Variants in EPS8L2 observed in about 807,000 individuals in gnomAD.
EPS8L2 encodes the protein EPS8 signaling adaptor L2.
In EPS8L2, 81 loss-of-function variants were observed where a neutral mutation model predicts 99.4. The observed-to-expected ratio is 0.82, with a 90% confidence interval of 0.68 to 0.98. The LOEUF (loss-of-function observed/expected upper bound fraction) is 0.98, where lower values mean the gene tolerates loss of function less well. Among genes scored for constraint, EPS8L2 ranks in the 50% least tolerant of loss-of-function variants. The pLI is 0.00. For missense variants in EPS8L2, 1,155 were observed against 968.8 expected (o/e 1.19, Z -2.55); for synonymous variants, 509 against 407.3 (o/e 1.25, Z -3.01).
intron 1 of EPS8L2, among the ~76,000 whole-genome samples, chr11:707,021 G>C (rs1328240777): frequency 6.6e-6 from 1 of 151,948 alleles, no homozygotes; most frequent in Non-Finnish European, 1.5e-5. Flanking sequence ...GGGGAGGCAG[G>C]GCCGGGCATG....
intron 17 of EPS8L2, 106 bp from the exon 18 acceptor site, chr11:725,991 TC>T: frequency 7.8e-7 from 1 of 1,275,732 alleles, no homozygotes; most frequent in Non-Finnish European, 1.1e-6. Flanking sequence ...AAAGGGCTGG[TC>T]CGCAGGCCGG....
At chr11:709,730 C>A in intron 3 of EPS8L2, 122 bp downstream of exon 3, 1 of 1,154,746 alleles carries the variant, frequency 8.7e-7, no homozygotes, top group Non-Finnish European at 1.2e-6. Flanking sequence ...TCTCCGGGTG[C>A]CCAGGGAGGC....
At chr11:720,312 C>A in intron 5 of EPS8L2, 89 bp downstream of exon 5, 1 of 1,396,480 alleles carries the variant, frequency 7.2e-7, no homozygotes, top group Non-Finnish European at 9.8e-7. Flanking sequence ...GGCCGGTCCT[C>A]TCTGCAGGGC....
chr11:707,288 C>T (rs1158188798), intron 1 of EPS8L2, among the ~76,000 whole-genome samples: 3 of 152,210 alleles, frequency 2.0e-5, no homozygotes, highest in Non-Finnish European at 2.9e-5. Flanking sequence ...CAAGCCATAG[C>T]TTCCAAACAA....
intron 5 of EPS8L2, 113 bp downstream of exon 5, chr11:720,336 T>C: frequency 2.5e-6 from 3 of 1,214,020 alleles, no homozygotes; most frequent in Non-Finnish European, 3.4e-6. Context: ...CCATGCCCTA[T>C]CATTCTGGTC....
Position 724,196 on chromosome 11 carries a change from A to G in EPS8L2, c.1455-528A>G, listed in dbSNP as rs1299698501. Among the ~76,000 whole-genome samples the G allele has an allele frequency of 6.6e-6, 1 of 152,092 alleles. No individual in the cohort carries two copies. The highest frequency in any genetic ancestry group is 2.4e-5 in the African/African-American group (1 of 41,418). On this transcript the variant is annotated intron_variant, in intron 15 of 20. Transcript: ENST00000318562. The surrounding 1 kb of genome is among the most constrained non-coding windows in gnomAD (Gnocchi z 5.5). Reference sequence around the variant, plus strand: ...GCCAGGTGACAGCCACAGGCCTGCTACATGCCAAAGCCAGGACCCCTCAGC... The same window carrying G: ...GCCAGGTGACAGCCACAGGCCTGCTGCATGCCAAAGCCAGGACCCCTCAGC...
chr11:720,355 A>G, intron 5 of EPS8L2, 132 bp downstream of exon 5: 1 of 1,148,094 alleles, frequency 8.7e-7, no homozygotes. Context: ...TCCCTGGAAG[A>G]GGATGGGACA....
rs1328857434 is a variant in EPS8L2, at chr11:724,065, A to T, written c.1455-659A>T. Among the ~76,000 whole-genome samples the T allele has an allele frequency of 6.6e-6, 1 of 152,034 alleles. No homozygotes were observed. The highest frequency in any genetic ancestry group is 1.9e-4 in the East Asian group (1 of 5,186). On this transcript the variant is annotated intron_variant, in intron 15 of 20. Coordinates refer to ENST00000318562, the MANE Select transcript of EPS8L2 (RefSeq NM_022772.4). The surrounding 1 kb of genome is among the most constrained non-coding windows in gnomAD (Gnocchi z 5.5). Reference sequence around the variant, plus strand: ...TTTGACTTCAGCTCCTGGTCTGTCCACCCTGGCCATGTCCTGACAGTCCAT... The same window carrying T: ...TTTGACTTCAGCTCCTGGTCTGTCCTCCCTGGCCATGTCCTGACAGTCCAT...
rs757790289 is a variant in EPS8L2 at position 726,915 on chromosome 11, G to A, written c.2082G>A (p.Gly694=). The A allele has an allele frequency of 3.0e-5, 48 of 1,613,120 alleles. No individual in the cohort carries two copies. Among genetic ancestry groups the A allele is most frequent in the Admixed American group, 5.0e-5 (3 of 59,970 alleles). The change falls in exon 21 of 21, where the codon GGG becomes GGA. Residue 694 remains glycine, a synonymous_variant. Transcript: ENST00000318562. ...CTCCTCCCTAGAAGCAGCAAAGTGGGTCGGAGCTGGAAGAACTCATGAACA... is the reference window on the plus strand; with the variant it reads ...CTCCTCCCTAGAAGCAGCAAAGTGGATCGGAGCTGGAAGAACTCATGAACA... The part of the protein sequence containing the change: ...QKAFLEKQQS[G]SELEELMNKF...
rs1461149551 is a variant in EPS8L2 at position 709,626 on chromosome 11, A to G, written c.100+18A>G. 1 of 1,611,694 alleles carries G rather than the reference A, an allele frequency of 6.2e-7. No homozygotes were observed. The highest frequency in any genetic ancestry group is 8.5e-7 in the Non-Finnish European group (1 of 1,179,636). On this transcript the variant is annotated intron_variant, in intron 3 of 20. Transcript: ENST00000318562. ...CCTGTTTGGTGAGTGAGGTTTGAGAACGGGCTGGACGTCACAGGGGAGAAA... is the reference window on the plus strand; with the variant it reads ...CCTGTTTGGTGAGTGAGGTTTGAGAGCGGGCTGGACGTCACAGGGGAGAAA...
rs755381444 is a variant in EPS8L2 at position 726,143 on chromosome 11, C to T, written c.1726C>T (p.Pro576Ser). 19 of 1,609,150 alleles carry T rather than the reference C, an allele frequency of 1.2e-5. No homozygotes were observed. Among genetic ancestry groups the T allele is most frequent in the Non-Finnish European group, 1.6e-5 (19 of 1,178,182 alleles). Residue 576 changes from proline to serine, a missense_variant, in exon 18 of 21, where the codon CCC (proline) becomes TCC (serine). Transcript: ENST00000318562. ...CCCCGCCAGCCCGACCCACAAGCTA[C>T]CCCCAAGCTTCCCGGGGAACAAAGA... ...WGPASPTHKL[P>S]PSFPGNKDEL...
intron 4 of EPS8L2, among the ~76,000 whole-genome samples, chr11:711,255 T>TGC (rs1341564830): frequency 3.8e-5 from 5 of 132,510 alleles, no homozygotes; most frequent in East Asian, 2.2e-4. Flanking sequence ...CGTGTGTGCG[T>TGC]GTGTGCGTGC....
At chr11:719,955 C>A in intron 4 of EPS8L2, 107 bp from the exon 5 acceptor site, 1 of 1,150,562 alleles carries the variant, frequency 8.7e-7, no homozygotes, top group Non-Finnish European at 1.2e-6. Flanking sequence ...TAGCCCCCTA[C>A]CCAGGGTTGG....
Position 724,998 on chromosome 11 carries a change from A to G in EPS8L2, c.1560+169A>G, listed in dbSNP as rs1862277380. On this transcript the variant is annotated intron_variant, in intron 16 of 20. Coordinates refer to ENST00000318562, the MANE Select transcript of EPS8L2 (RefSeq NM_022772.4). This position sits in a 1 kb window ranked among gnomAD's most constrained non-coding sequence, Gnocchi z 5.5. ...TCCCCGCCCTTGGACTCTGATCAGG[A>G]TCCCCAGCCTGTTGGAGGGGCCTTC... Among the ~76,000 whole-genome samples the G allele has an allele frequency of 6.6e-6, 1 of 152,150 alleles. No homozygotes were observed. The highest frequency in any genetic ancestry group is 6.5e-5 in the Admixed American group (1 of 15,282).
intron 4 of EPS8L2, among the ~76,000 whole-genome samples, chr11:712,478 C>G (rs1464748078): frequency 2.7e-5 from 4 of 150,448 alleles, no homozygotes; most frequent in Non-Finnish European, 5.9e-5. Context: ...GCTGGGCTCC[C>G]GGTTGTCGTC....
Position 725,708 on chromosome 11 carries a change from G to T in EPS8L2, c.1561-20G>T, listed in dbSNP as rs1387012289. The stretch of plus-strand genomic sequence containing the variant: ...CCGCAGAGCCTGGGTGTGGGGAGGG[G>T]CTGACGGCGCGCCCCGCAGGTGCTG... On this transcript the variant is annotated intron_variant, in intron 16 of 20. Transcript: ENST00000318562. The T allele has an allele frequency of 4.6e-6, 6 of 1,314,940 alleles. No homozygotes were observed. The African/African-American group carries it at 9.2e-5, about 20-fold the overall frequency. 81.5% of individuals were successfully genotyped at this position (1,314,940 alleles called of 1,614,324 possible). A position where few individuals can be genotyped will look rare whatever the true frequency, so the allele number is the denominator to read the frequency against.
intron 7 of EPS8L2, 49 bp downstream of exon 7, chr11:720,958 CCCGGCAGGGGAGGGGAGGAG>C (rs769169130): frequency 0.045 from 44,943 of 1,001,976 alleles, 1,566 homozygotes; most frequent in Non-Finnish European, 0.052. Context: ...AGGGGAGGAG[CCCGGCAGGGGAGGGGAGGAG>C]CCGGCAGGGG....
Position 726,189 on chromosome 11 carries a change from A to G in EPS8L2, c.1753+19A>G. 6.3e-7 allele frequency: 1 copy of G among 1,595,814 alleles called. No individual in the cohort carries two copies. Among genetic ancestry groups the G allele is most frequent in the Non-Finnish European group, 8.5e-7 (1 of 1,170,594 alleles). On this transcript the variant is annotated intron_variant, in intron 18 of 20. Transcript: ENST00000318562. ...AAAGACGGTGAGAGCTGCTGCTTCGAGGCGGGGGTCCCGGGCCCAGGGCCA... is the reference window on the plus strand; with the variant it reads ...AAAGACGGTGAGAGCTGCTGCTTCGGGGCGGGGGTCCCGGGCCCAGGGCCA...
In EPS8L2 at chr11:725,865, C is replaced by G; in HGVS notation, c.1680+18C>G. 1 of 1,350,406 alleles carries G rather than the reference C, an allele frequency of 7.4e-7. No individual in the cohort carries two copies. The highest frequency in any genetic ancestry group is 4.0e-5 in the Admixed American group (1 of 25,214). The allele number at this position is 1,350,406 out of a possible 1,614,324, so 83.7% of individuals were successfully genotyped here. A position where few individuals can be genotyped will look rare whatever the true frequency, so the allele number is the denominator to read the frequency against. On this transcript the variant is annotated intron_variant, in intron 17 of 20. Coordinates refer to ENST00000318562, the MANE Select transcript of EPS8L2 (RefSeq NM_022772.4). ...TCGAGCAGGTGAGCCCGCGGGGGTC[C>G]CTGGGGTCGCAGCCCCCAGCTTCCT...
Sources: gnomAD v4.1 joint callset for allele counts (sites outside exome capture counted in the v4.1 genomes callset) on GRCh38, gnomAD v4.1.1 for gene constraint, Gnocchi (gnomAD v3.1) non-coding constraint, MANE v1.5 for transcripts, NCBI Gene and HGNC (gene_info 2026-07-23, HGNC 2026-07-21) for gene names.